Variants in NRG2 observed in about 807,000 individuals in gnomAD.
NRG2 encodes the protein pro-neuregulin-2, membrane-bound isoform.
In NRG2, 27 loss-of-function variants were observed where a neutral mutation model predicts 73.9. The ratio of observed to expected loss-of-function variants is 0.37; its 90% CI spans 0.27 to 0.50. The LOEUF (loss-of-function observed/expected upper bound fraction) is 0.50, where lower values mean the gene tolerates loss of function less well. Among genes scored for constraint, NRG2 ranks in the 20% least tolerant of loss-of-function variants. The pLI, the probability that NRG2 is intolerant of heterozygous loss-of-function variation, is 0.96. For synonymous variants in NRG2, 532 were observed against 541.0 expected (o/e 0.98, Z 0.23); for missense variants, 1,126 against 1,210.1 (o/e 0.93, Z 1.03).
chr5:139,993,639 G>T (rs1040291195), intron 1 of NRG2, among the ~76,000 whole-genome samples: 1 of 152,180 alleles, frequency 6.6e-6, no homozygotes, highest in African/African-American at 2.4e-5. Context: ...AGCCCATAGT[G>T]TAAGCTTCAT....
At chr5:139,980,258 G>A (rs1756691952) in intron 1 of NRG2, among the ~76,000 whole-genome samples, 1 of 152,194 alleles carries the variant, frequency 6.6e-6, no homozygotes, top group Admixed American at 6.5e-5. Context: ...TCTTGAAAAC[G>A]GAGGGGCCCT....
At chr5:139,917,408 T>G (rs542706471) in intron 1 of NRG2, among the ~76,000 whole-genome samples, 1 of 152,252 alleles carries the variant, frequency 6.6e-6, no homozygotes, top group South Asian at 2.1e-4. Flanking sequence ...TGCACCGCTG[T>G]GCCTGGCTAA....
intron 1 of NRG2, among the ~76,000 whole-genome samples, chr5:139,977,994 G>A (rs979427535): frequency 6.6e-6 from 1 of 152,140 alleles, no homozygotes. Context: ...AAAAACCCTA[G>A]AAGAAAACCT....
chr5:139,957,205 G>C (rs1487089458), intron 1 of NRG2, among the ~76,000 whole-genome samples: 1 of 152,138 alleles, frequency 6.6e-6, no homozygotes, highest in Non-Finnish European at 1.5e-5. Context: ...GGTTGGCCAA[G>C]TAGCTTCTCA....
intron 1 of NRG2, among the ~76,000 whole-genome samples, chr5:139,934,479 A>C (rs756101003): frequency 5.9e-5 from 9 of 152,208 alleles, no homozygotes; most frequent in Non-Finnish European, 1.0e-4. Flanking sequence ...TAAAGCAACC[A>C]CTAAAAACAA....
chr5:139,900,162 C>T (rs927473947), intron 1 of NRG2, among the ~76,000 whole-genome samples: 1 of 152,220 alleles, frequency 6.6e-6, no homozygotes, highest in Non-Finnish European at 1.5e-5. Context: ...CCTCCCTACA[C>T]CACCCTAGGA....
chr5:139,962,726 CTG>C (rs1184627491), intron 1 of NRG2, among the ~76,000 whole-genome samples: 1 of 152,162 alleles, frequency 6.6e-6, no homozygotes, highest in East Asian at 1.9e-4. Flanking sequence ...GAGAGGAAAA[CTG>C]AGGCTTATTA....
At chr5:140,009,980 A>T (rs932779548) in intron 1 of NRG2, among the ~76,000 whole-genome samples, 24 of 152,192 alleles carry the variant, frequency 1.6e-4, no homozygotes, top group African/African-American at 5.8e-4. Context: ...GGTGGAGCAT[A>T]GAGGATTTTT....
At chr5:139,896,338 G>C (rs904736764) in intron 1 of NRG2, among the ~76,000 whole-genome samples, 1 of 152,174 alleles carries the variant, frequency 6.6e-6, no homozygotes, top group Non-Finnish European at 1.5e-5. Context: ...AAAGGTCTTA[G>C]CAGGCCTGAT....
At chr5:139,901,613 T>G (rs1160583242) in intron 1 of NRG2, among the ~76,000 whole-genome samples, 1 of 152,178 alleles carries the variant, frequency 6.6e-6, no homozygotes, top group Non-Finnish European at 1.5e-5. Context: ...TTGCAAAGAT[T>G]TATCTGTGTC....
intron 5 of NRG2, among the ~76,000 whole-genome samples, chr5:139,859,651 G>A (rs1026364461): frequency 6.6e-6 from 1 of 152,112 alleles, no homozygotes; most frequent in African/African-American, 2.4e-5. Context: ...GGGATGCTAC[G>A]GTACACTGAG....
chr5:139,879,563 G>T (rs1763396148), intron 3 of NRG2, among the ~76,000 whole-genome samples: 1 of 152,164 alleles, frequency 6.6e-6, no homozygotes, highest in Non-Finnish European at 1.5e-5. Context: ...GAGTAAGAAT[G>T]GAATGGACAA....
At chr5:140,031,647 T>C (rs1050194868) in intron 1 of NRG2, among the ~76,000 whole-genome samples, 1 of 152,066 alleles carries the variant, frequency 6.6e-6, no homozygotes, top group Non-Finnish European at 1.5e-5. Context: ...GACTGGTAAA[T>C]AAACCCTCCT....
chr5:139,904,393 G>A lies in NRG2; in HGVS notation c.701-16882C>T, dbSNP rs373769219. Reference sequence around the variant, plus strand: ...GCCGCGGCCCCTCCTCCTGGACTCCGACATTCTGCACGGGGTCCCAGGCGG... The same window carrying A: ...GCCGCGGCCCCTCCTCCTGGACTCCAACATTCTGCACGGGGTCCCAGGCGG... On this transcript the variant is annotated intron_variant, in intron 1 of 9. Coordinates refer to ENST00000361474, the MANE Select transcript of NRG2 (RefSeq NM_004883.3). This position sits in a 1 kb window ranked among gnomAD's most constrained non-coding sequence, Gnocchi z 6.0. 1.6e-5 allele frequency: 25 copies of A among 1,551,270 alleles called. No individual in the cohort carries two copies. The highest frequency in any genetic ancestry group is 5.1e-5 in the Admixed American group (3 of 58,820).
At chr5:140,009,136 T>C (rs532027543) in intron 1 of NRG2, among the ~76,000 whole-genome samples, 6 of 152,320 alleles carry the variant, frequency 3.9e-5, no homozygotes, top group African/African-American at 1.4e-4. Flanking sequence ...ATCAATAAAG[T>C]AGAAGCTCAG....
At chr5:139,864,386 T>C (rs1192387532) in intron 5 of NRG2, among the ~76,000 whole-genome samples, 1 of 101,480 alleles carries the variant, frequency 9.9e-6, no homozygotes, top group African/African-American at 6.9e-5. Context: ...CTTCTTCTTC[T>C]TTTTTTTTTT....
chr5:139,941,334 T>A (rs1334407832), intron 1 of NRG2, among the ~76,000 whole-genome samples: 1 of 152,094 alleles, frequency 6.6e-6, no homozygotes, highest in Non-Finnish European at 1.5e-5. Context: ...ATTGAATACT[T>A]TTTTTGTAAT....
rs777328390 is a variant in NRG2 at position 140,042,653 on chromosome 5, G to C, written c.417C>G (p.Val139=). The part of the protein sequence containing the change: ...VVVEGKVQGL[V]PAGGSSSNST... ...TGTTGGAGCTGGAGCCGCCGGCTGG[G>C]ACCAGCCCCTGTACCTTGCCCTCCA... The change falls in exon 1 of 10, where the codon GTC becomes GTG. Residue 139 remains valine (V), a synonymous_variant. Coordinates refer to ENST00000361474, the MANE Select transcript of NRG2 (RefSeq NM_004883.3). 1 of 1,597,910 alleles carries C rather than the reference G, an allele frequency of 6.3e-7. No homozygotes were observed. The highest frequency in any genetic ancestry group is 1.1e-5 in the South Asian group (1 of 89,070).
intron 1 of NRG2, among the ~76,000 whole-genome samples, chr5:139,898,731 T>A (rs1764703346): frequency 6.6e-6 from 1 of 152,250 alleles, no homozygotes; most frequent in African/African-American, 2.4e-5. Flanking sequence ...CAGCTTGGAC[T>A]AGGTCACCCT....
Sources: gnomAD v4.1 joint callset for allele counts (sites outside exome capture counted in the v4.1 genomes callset) on GRCh38, gnomAD v4.1.1 for gene constraint, Gnocchi (gnomAD v3.1) non-coding constraint, MANE v1.5 for transcripts, NCBI Gene and HGNC (gene_info 2026-07-23, HGNC 2026-07-21) for gene names.